Variants in LRRC71 observed in about 807,000 individuals in gnomAD.
LRRC71 encodes leucine-rich repeat-containing protein 71.
In LRRC71, 54 loss-of-function variants were observed where a neutral mutation model predicts 66.6. The observed-to-expected ratio is 0.81, with a 90% CI of 0.65 to 1.02. The LOEUF (loss-of-function observed/expected upper bound fraction) is 1.02, where lower values mean the gene tolerates loss of function less well. LRRC71 is among the 50% of genes least tolerant of loss of function. LRRC71 has a pLI of 0.00. For synonymous variants in LRRC71, 323 were observed against 303.9 expected (o/e 1.06, Z -0.65); for missense variants, 724 against 718.0 (o/e 1.01, Z -0.10).
chr1:156,921,762 C>G lies in LRRC71; in HGVS notation c.160+799C>G, dbSNP rs74116913. ...ACACACACACACACACACACACACA[C>G]AGACATGGCTGCTGTATAGAATACA... On this transcript the variant is annotated intron_variant, in intron 1 of 14. Coordinates refer to ENST00000337428, the MANE Select transcript of LRRC71 (RefSeq NM_144702.3). 2,005 of 457,000 alleles carry G rather than the reference C, an allele frequency of 4.4e-3. 31 individuals carry two copies. The highest frequency in any genetic ancestry group is 0.035 in the African/African-American group (1,563 of 44,406). The allele number at this position is 457,000 out of a possible 1,614,324, so 28.3% of individuals were successfully genotyped here.
downstream of LRRC71, chr1:156,935,968 T>G (rs1571094846): frequency 1.9e-6 from 3 of 1,596,168 alleles, no homozygotes; most frequent in African/African-American, 2.7e-5. Flanking sequence ...GAAGGAGGAG[T>G]GGGGACGCAG....
chr1:156,927,709 C>G (rs1420328962), intron 7 of LRRC71, 24 bp from the exon 8 acceptor site: 1 of 1,606,236 alleles, frequency 6.2e-7, no homozygotes, highest in African/African-American at 1.3e-5. Context: ...TTGGGCGGCT[C>G]ACGCGTCCCT....
At chr1:156,936,024 G>A (rs199728828), downstream of LRRC71, 8 of 1,613,836 alleles carry the variant, frequency 5.0e-6, no homozygotes, top group East Asian at 2.2e-5. Flanking sequence ...ACGCGGCTGC[G>A]TCTGCTGTGC....
chr1:156,930,055 TTTC>T (rs1302525954), intron 11 of LRRC71, among the ~76,000 whole-genome samples: 4 of 112,142 alleles, frequency 3.6e-5, no homozygotes, highest in Non-Finnish European at 7.6e-5. Flanking sequence ...TCTTTCTTTC[TTTC>T]TTTTTCTTTC....
At chr1:156,930,044 C>CTTTTTCTT (rs1553189668) in intron 11 of LRRC71, among the ~76,000 whole-genome samples, 4 of 127,906 alleles carry the variant, frequency 3.1e-5, no homozygotes, top group East Asian at 2.6e-4. Context: ...TTCTTTCTTT[C>CTTTTTCTT]TCTTTCTTTC....
Position 156,927,271 on chromosome 1 carries a change from G to A in LRRC71, c.662+1G>A. The A allele has an allele frequency of 6.2e-7, 1 of 1,613,454 alleles. No homozygotes were observed. The highest frequency in any genetic ancestry group is 2.2e-5 in the East Asian group (1 of 44,858). ...ACAAGCTCATGGCCTTGGACAGCAC[G>A]TGAGACTCCCTGCCCTCACCCCCTT... is the stretch of plus-strand genomic sequence containing the variant. On this transcript the variant is annotated splice_donor_variant, in intron 6 of 14. Coordinates refer to ENST00000337428, the MANE Select transcript of LRRC71 (RefSeq NM_144702.3). LOFTEE classifies it high-confidence loss of function.
chr1:156,932,630 T>A (rs768523260), intron 14 of LRRC71, 85 bp downstream of exon 14: 1 of 1,613,332 alleles, frequency 6.2e-7, no homozygotes, highest in Non-Finnish European at 8.5e-7. Flanking sequence ...GCAGCTTCTG[T>A]CTCCCCATTT....
At chr1:156,934,567 G>A (rs1654745728), downstream of LRRC71, among the ~76,000 whole-genome samples, 1 of 151,924 alleles carries the variant, frequency 6.6e-6, no homozygotes, top group Non-Finnish European at 1.5e-5. Context: ...CTATATATGT[G>A]TGTATATATA....
downstream of LRRC71, chr1:156,935,094 T>C (rs1339138530): frequency 6.6e-6 from 1 of 152,276 alleles, no homozygotes; most frequent in African/African-American, 2.4e-5. Flanking sequence ...CTGGGTGAAT[T>C]CAGGGACTCG....
chr1:156,921,545 C>A, intron 1 of LRRC71: 2 of 818,126 alleles, frequency 2.4e-6, no homozygotes, highest in Non-Finnish European at 3.0e-6. Flanking sequence ...CGAAGTAAAA[C>A]AACTTGGGAA....
downstream of LRRC71, among the ~76,000 whole-genome samples, chr1:156,934,384 G>C (rs144006458): frequency 6.6e-6 from 1 of 152,250 alleles, no homozygotes; most frequent in Non-Finnish European, 1.5e-5. Flanking sequence ...GGAGGATGTG[G>C]ATGGATGATG....
At chr1:156,927,124 C>T (rs1314536521) in intron 5 of LRRC71, 78 bp from the exon 6 acceptor site, 8 of 1,270,824 alleles carry the variant, frequency 6.3e-6, no homozygotes, top group African/African-American at 5.9e-5. Flanking sequence ...TTCCCAGAGA[C>T]GCACACTTCC....
chr1:156,930,312 C>A (rs1392092312), intron 11 of LRRC71, among the ~76,000 whole-genome samples: 1 of 151,816 alleles, frequency 6.6e-6, no homozygotes, highest in Non-Finnish European at 1.5e-5. Context: ...AGGCTGGTTG[C>A]GAACTCCTGA....
At chr1:156,940,293 CT>C in the LRRC71 span, 1 of 1,613,708 alleles carries the variant, frequency 6.2e-7, no homozygotes, top group Non-Finnish European at 8.5e-7. Flanking sequence ...CCTGATGCCC[CT>C]GTTCTCTCCA....
intron 4 of LRRC71, 44 bp downstream of exon 4, chr1:156,924,762 T>G (rs1413048853): frequency 1.3e-6 from 2 of 1,542,942 alleles, no homozygotes; most frequent in South Asian, 2.4e-5. Context: ...GAGTGGGAGT[T>G]GGGGCTCCTG....
chr1:156,939,358 C>G, the LRRC71 span: 10 of 730,586 alleles, frequency 1.4e-5, no homozygotes, highest in Admixed American at 2.8e-4. Context: ...CAGAGCTAAG[C>G]TCTGAATCTC....
At chr1:156,927,109 G>C in intron 5 of LRRC71, 93 bp from the exon 6 acceptor site, 1 of 1,112,554 alleles carries the variant, frequency 9.0e-7, no homozygotes. Context: ...CTACTTCCTA[G>C]CTGCTTCCCA....
chr1:156,932,276 G>C, intron 13 of LRRC71, 148 bp from the exon 14 acceptor site: 1 of 699,148 alleles, frequency 1.4e-6, no homozygotes, highest in African/African-American at 1.8e-5. Context: ...TAAGAGCTGA[G>C]TGAAGGGCTA....
At chr1:156,933,465 C>A (rs79545129), downstream of LRRC71, among the ~76,000 whole-genome samples, 3,223 of 152,310 alleles carry the variant, frequency 0.021, 48 homozygotes, top group Non-Finnish European at 0.034. Flanking sequence ...CTTCTGCTTC[C>A]CCGTCTGGCT....
Sources: gnomAD v4.1 joint callset for allele counts (sites outside exome capture counted in the v4.1 genomes callset) on GRCh38, gnomAD v4.1.1 for gene constraint, MANE v1.5 for transcripts, NCBI Gene and HGNC (gene_info 2026-07-23, HGNC 2026-07-21) for gene names.